The following CD300LD variants were observed in gnomAD, a reference collection of about 807,000 sequenced individuals.
CD300LD encodes the protein CD300 molecule like family member d.
In CD300LD, 18 loss-of-function variants were observed where a neutral mutation model predicts 20.3. That is an observed-to-expected ratio of 0.89 (90% CI 0.61 to 1.32). The LOEUF is 1.32. Among genes scored for constraint, CD300LD ranks in the 40% most tolerant of loss-of-function variants. CD300LD has a pLI of 0.00. For missense variants in CD300LD, 195 were observed against 226.6 expected (o/e 0.86, Z 0.90); for synonymous variants, 104 against 90.1 (o/e 1.15, Z -0.87).
At chr17:74,583,902 C>T (rs532346656) in intron 2 of CD300LD, among the ~76,000 whole-genome samples, 46 of 152,104 alleles carry the variant, frequency 3.0e-4, no homozygotes, top group Non-Finnish European at 2.8e-4. Context: ...CAGGTTAGTG[C>T]CACCATAGCC....
intron 3 of CD300LD, 31 bp downstream of exon 3, chr17:74,582,187 T>C (rs1457843040): frequency 1.3e-6 from 2 of 1,596,962 alleles, no homozygotes; most frequent in Middle Eastern, 3.7e-4. Context: ...GCCAGGCCTG[T>C]GCGAAAGTGG....
chr17:74,590,981 G>T (rs985435401), intron 1 of CD300LD, among the ~76,000 whole-genome samples: 68 of 152,178 alleles, frequency 4.5e-4, no homozygotes, highest in Middle Eastern at 3.4e-3. Flanking sequence ...AGGCTGAGGT[G>T]GGAGGATGGC....
At chr17:74,589,043 C>T (rs138039057) in intron 1 of CD300LD, among the ~76,000 whole-genome samples, 194 bp from the exon 2 acceptor site, 1 of 152,370 alleles carries the variant, frequency 6.6e-6, no homozygotes, top group East Asian at 1.9e-4. Flanking sequence ...AAGAGCACAA[C>T]TGCAGATCCC....
intron 2 of CD300LD, among the ~76,000 whole-genome samples, chr17:74,583,238 A>G (rs1267146149): frequency 6.6e-6 from 1 of 152,192 alleles, no homozygotes; most frequent in Non-Finnish European, 1.5e-5. Context: ...AAATGTGACT[A>G]TATTTGGAGA....
At chr17:74,589,396 G>C (rs2143296032) in intron 1 of CD300LD, among the ~76,000 whole-genome samples, 1 of 152,322 alleles carries the variant, frequency 6.6e-6, no homozygotes, top group South Asian at 2.1e-4. Context: ...TCGCCATACA[G>C]TGTTATAAAT....
At chr17:74,591,850 T>C in intron 1 of CD300LD, 1 of 327,810 alleles carries the variant, frequency 3.1e-6, no homozygotes, top group Non-Finnish European at 5.2e-6. Context: ...TCTTCAAGAA[T>C]GGACTCACTC....
Position 74,579,942 on chromosome 17 carries a change from G to A in CD300LD, c.*60C>T, listed in dbSNP as rs557507384. 4.1e-5 allele frequency: 43 copies of A among 1,052,138 alleles called. 1 individual carries two copies. The highest frequency in any genetic ancestry group is 6.0e-5 in the Non-Finnish European group (41 of 682,546). 65.2% of individuals were successfully genotyped at this position (1,052,138 alleles called of 1,614,324 possible). A position where few individuals can be genotyped will look rare whatever the true frequency, so the allele number is the denominator to read the frequency against. On this transcript the variant is annotated 3_prime_UTR_variant, in exon 4 of 4. Coordinates refer to ENST00000375352, the MANE Select transcript of CD300LD (RefSeq NM_001115152.2). Reference sequence around the variant, plus strand: ...TTTTTCTTCTGTGGGAGGGCCTTTCGCCCTGGACAGGACGTCAATGGGCAT... The same window carrying A: ...TTTTTCTTCTGTGGGAGGGCCTTTCACCCTGGACAGGACGTCAATGGGCAT...
chr17:74,591,268 A>AAATAAT (rs58060319), intron 1 of CD300LD, among the ~76,000 whole-genome samples: 6,169 of 142,294 alleles, frequency 0.043, 327 homozygotes, highest in African/African-American at 0.12. Flanking sequence ...AAAAAAATAA[A>AAATAAT]AATAATAATA....
At chr17:74,581,298 C>G (rs1194586266) in intron 3 of CD300LD, among the ~76,000 whole-genome samples, 1 of 151,656 alleles carries the variant, frequency 6.6e-6, no homozygotes, top group East Asian at 1.9e-4. Context: ...GCAGAGGGAA[C>G]TGGCAGACCT....
At chr17:74,584,769 C>G (rs545740993) in intron 2 of CD300LD, 10 of 153,438 alleles carry the variant, frequency 6.5e-5, no homozygotes, top group African/African-American at 9.6e-5. Flanking sequence ...ATTCGTCCCC[C>G]CTTTGTTCAA....
intron 2 of CD300LD, among the ~76,000 whole-genome samples, chr17:74,585,923 T>C (rs910968630): frequency 1.2e-4 from 19 of 152,182 alleles, no homozygotes; most frequent in African/African-American, 4.3e-4. Context: ...GAACATCACA[T>C]GGCACTCCCA....
intron 2 of CD300LD, among the ~76,000 whole-genome samples, chr17:74,586,877 A>G (rs1414352107): frequency 2.0e-5 from 3 of 152,208 alleles, no homozygotes; most frequent in African/African-American, 7.2e-5. Flanking sequence ...TTTTTGAACC[A>G]GGAGAATATA....
chr17:74,581,651 C>A (rs2030039010), intron 3 of CD300LD, among the ~76,000 whole-genome samples: 1 of 152,182 alleles, frequency 6.6e-6, no homozygotes, highest in African/African-American at 2.4e-5. Flanking sequence ...TGTTCTTGGG[C>A]AGAAACTAGG....
intron 2 of CD300LD, chr17:74,585,130 C>G (rs949126458): frequency 6.6e-6 from 1 of 152,206 alleles, no homozygotes; most frequent in Non-Finnish European, 1.5e-5. Flanking sequence ...GGTTAGTTCT[C>G]AAACATTAAT....
At chr17:74,589,255 T>C (rs766689604) in intron 1 of CD300LD, among the ~76,000 whole-genome samples, 3 of 152,192 alleles carry the variant, frequency 2.0e-5, no homozygotes, top group African/African-American at 4.8e-5. Flanking sequence ...TGGCTGTTCC[T>C]AGTGGTTCTA....
chr17:74,582,095 TTTG>T, intron 3 of CD300LD, 120 bp downstream of exon 3: 1 of 664,388 alleles, frequency 1.5e-6, no homozygotes, highest in East Asian at 2.8e-5. Flanking sequence ...TAAAAAATGT[TTTG>T]TTGTTTGTCT....
intron 2 of CD300LD, among the ~76,000 whole-genome samples, chr17:74,587,969 T>C (rs1468884461): frequency 1.3e-5 from 2 of 152,188 alleles, no homozygotes; most frequent in African/African-American, 2.4e-5. Context: ...ATGAGACCTG[T>C]CTTAGTCTAC....
At chr17:74,582,425 A>G (rs760331788) in intron 2 of CD300LD, 114 bp from the exon 3 acceptor site, 8 of 722,488 alleles carry the variant, frequency 1.1e-5, no homozygotes, top group Non-Finnish European at 1.8e-5. Flanking sequence ...GGGGTCCAAG[A>G]CTGTCTGGTC....
At chr17:74,582,341 C>T (rs1171103632) in intron 2 of CD300LD, 30 bp from the exon 3 acceptor site, 5 of 1,590,816 alleles carry the variant, frequency 3.1e-6, no homozygotes, top group African/African-American at 1.3e-5. Context: ...CACGGTTCAC[C>T]CCTTCCATGG....
Sources: allele counts gnomAD v4.1 joint callset (sites outside exome capture counted in the v4.1 genomes callset), GRCh38; gene constraint gnomAD v4.1.1; transcripts MANE v1.5; gene names NCBI Gene and HGNC (gene_info 2026-07-23, HGNC 2026-07-21).